FLYWCH1: variants seen among roughly 807,000 people sequenced by gnomAD.
The protein encoded by FLYWCH1 is FLYWCH-type zinc finger-containing protein 1.
In FLYWCH1, 75 loss-of-function variants were observed where a neutral mutation model predicts 66.4. That is an observed-to-expected ratio of 1.13 (90% CI 0.94 to 1.37). The LOEUF (loss-of-function observed/expected upper bound fraction) is 1.37, where lower values mean the gene tolerates loss of function less well. FLYWCH1 is among the 40% of genes most tolerant of loss of function. The pLI is 0.00. For missense variants in FLYWCH1, 1,334 were observed against 1,001.8 expected, an observed-to-expected ratio of 1.33 and a Z score of -4.48; for synonymous variants, 595 against 429.9, an observed-to-expected ratio of 1.38 and a Z score of -4.75.
At position 2,933,576 on chromosome 16, in the gene FLYWCH1, G is replaced by C. The variant is rs368539567; in HGVS notation, c.1243G>C (p.Asp415His). The change falls in exon 5 of 10, where the codon GAC becomes CAC. Residue 415 changes from aspartate (D) to histidine (H), a missense_variant. Asp to His is a moderately conservative substitution (Grantham distance 81). Transcript: ENST00000253928. Reference sequence around the variant, plus strand: ...AGACGAGCACCAGGACATGGACGCAGACCCGGGTGAGCTGCCTTCCTTTGG... The same window carrying C: ...AGACGAGCACCAGGACATGGACGCACACCCGGGTGAGCTGCCTTCCTTTGG... ...APDEHQDMDA[D>H]PGGPEFLKTP... The C allele has an allele frequency of 6.3e-7, 1 of 1,587,574 alleles. No homozygotes were observed. The highest frequency in any genetic ancestry group is 2.2e-5 in the East Asian group (1 of 44,584).
chr16:2,912,842 A>G (rs979017671), intron 1 of FLYWCH1, among the ~76,000 whole-genome samples: 7 of 152,194 alleles, frequency 4.6e-5, no homozygotes, highest in African/African-American at 7.2e-5. Flanking sequence ...TTGTACTGGA[A>G]GCTGAACTCC....
rs566889530 is a variant in FLYWCH1, at chr16:2,919,017, G to C, written c.-74+4728G>C. On this transcript the variant is annotated intron_variant, in intron 2 of 9. Coordinates refer to ENST00000253928, the MANE Select transcript of FLYWCH1 (RefSeq NM_001308068.2). ...GGCTGGAGTGCAGTGGCATGATCTCGGCTCACTGCAACCTCCAAAGCAATT... is the reference window on the plus strand; with the variant it reads ...GGCTGGAGTGCAGTGGCATGATCTCCGCTCACTGCAACCTCCAAAGCAATT... Among the ~76,000 whole-genome samples the C allele has an allele frequency of 4.6e-5, 7 of 151,696 alleles. No individual in the cohort carries two copies. In the East Asian group the frequency reaches 1.4e-3, roughly 29 times the overall value.
intron 9 of FLYWCH1, among the ~76,000 whole-genome samples, chr16:2,942,800 C>T (rs944533635): frequency 7.3e-6 from 1 of 137,346 alleles, no homozygotes; most frequent in Non-Finnish European, 1.5e-5. Flanking sequence ...GATCTTGGCT[C>T]ACTGCAAGAT....
Position 2,930,824 on chromosome 16 carries a change from C to A in FLYWCH1, c.740C>A (p.Pro247His). Reference protein sequence around the residue: ...SKPALEEEEAPRALSLLSLPP... With the variant: ...SKPALEEEEAHRALSLLSLPP... Reference sequence around the variant, plus strand: ...CCGGCCCTGGAGGAGGAGGAGGCACCCCGAGCCCTGTCACTGCTGAGCCTG... The same window carrying A: ...CCGGCCCTGGAGGAGGAGGAGGCACACCGAGCCCTGTCACTGCTGAGCCTG... Residue 247 changes from proline (P) to histidine (H), a missense_variant, in exon 4 of 10, where the codon CCC (proline) becomes CAC (histidine). Coordinates refer to ENST00000253928, the MANE Select transcript of FLYWCH1 (RefSeq NM_001308068.2). The A allele has an allele frequency of 6.2e-7, 1 of 1,602,908 alleles. No individual in the cohort carries two copies. Among genetic ancestry groups the A allele is most frequent in the Non-Finnish European group, 8.5e-7 (1 of 1,178,018 alleles).
At chr16:2,936,411 C>T (rs1460963649) in intron 6 of FLYWCH1, 2 of 456,312 alleles carry the variant, frequency 4.4e-6, no homozygotes, top group East Asian at 7.0e-5. Flanking sequence ...CCAGCCCTCT[C>T]CATCCCTCTT....
At chr16:2,920,990 C>T (rs929790564) in intron 2 of FLYWCH1, among the ~76,000 whole-genome samples, 3 of 151,704 alleles carry the variant, frequency 2.0e-5, no homozygotes, top group South Asian at 4.2e-4. Flanking sequence ...TACAGGCGCC[C>T]GCCACCACGC....
intron 2 of FLYWCH1, among the ~76,000 whole-genome samples, chr16:2,916,460 C>G (rs1161438388): frequency 6.6e-6 from 1 of 151,928 alleles, no homozygotes; most frequent in Non-Finnish European, 1.5e-5. Context: ...ATGGTGAAAC[C>G]CCGTCTCTAC....
chr16:2,918,919 T>G (rs896724530), intron 2 of FLYWCH1, among the ~76,000 whole-genome samples: 2 of 152,178 alleles, frequency 1.3e-5, no homozygotes, highest in African/African-American at 4.8e-5. Flanking sequence ...AAGATAGTCT[T>G]TACTGAATTT....
At chr16:2,922,685 A>G (rs542907648) in intron 2 of FLYWCH1, 79 of 471,870 alleles carry the variant, frequency 1.7e-4, no homozygotes, top group Non-Finnish European at 2.8e-4. Context: ...TGTTGGCCAC[A>G]CCCAAAGCAT....
At chr16:2,948,643 C>T in intron 9 of FLYWCH1, 45 bp from the exon 10 acceptor site, 1 of 1,594,118 alleles carries the variant, frequency 6.3e-7, no homozygotes, top group African/African-American at 1.3e-5. Context: ...TCTATTTCCA[C>T]CATGTTTTGA....
chr16:2,933,038 A>G, intron 4 of FLYWCH1, 92 bp from the exon 5 acceptor site: 1 of 1,134,754 alleles, frequency 8.8e-7, no homozygotes, highest in South Asian at 1.6e-5. Context: ...TAAAGGAGAA[A>G]GGCTCGTGTC....
intron 9 of FLYWCH1, among the ~76,000 whole-genome samples, chr16:2,942,803 T>C (rs773800823): frequency 7.1e-6 from 1 of 141,206 alleles, no homozygotes; most frequent in Non-Finnish European, 1.5e-5. Context: ...CTTGGCTCAC[T>C]GCAAGATCAC....
Position 2,949,119 on chromosome 16 carries a change from A to G in FLYWCH1, c.*392A>G. The G allele has an allele frequency of 4.2e-6, 1 of 235,646 alleles. No homozygotes were observed. Among genetic ancestry groups the G allele is most frequent in the Non-Finnish European group, 8.4e-6 (1 of 119,018 alleles). The allele number at this position is 235,646 out of a possible 1,614,324, so 14.6% of individuals were successfully genotyped here. ...GGCCCCGCTCTGCTCAGCACGGTGC[A>G]AAGTGAATGCTGCTGTCTTGGAGCC... On this transcript the variant is annotated 3_prime_UTR_variant, in exon 10 of 10. Coordinates refer to ENST00000253928, the MANE Select transcript of FLYWCH1 (RefSeq NM_001308068.2).
At chr16:2,913,837 A>C (rs977537907) in intron 1 of FLYWCH1, among the ~76,000 whole-genome samples, 3 of 150,864 alleles carry the variant, frequency 2.0e-5, no homozygotes, top group African/African-American at 7.3e-5. Flanking sequence ...GTGGGTAGAC[A>C]CTGGAGTCAT....
chr16:2,947,214 C>A (rs1184071562), intron 9 of FLYWCH1, among the ~76,000 whole-genome samples: 2 of 152,138 alleles, frequency 1.3e-5, no homozygotes, highest in Non-Finnish European at 2.9e-5. Context: ...TTAAAGAAGC[C>A]AGTCACAAAG....
chr16:2,948,651 T>G, intron 9 of FLYWCH1, 37 bp from the exon 10 acceptor site: 1 of 1,606,216 alleles, frequency 6.2e-7, no homozygotes, highest in Non-Finnish European at 8.5e-7. Flanking sequence ...CACCATGTTT[T>G]GATGTGTGCA....
chr16:2,939,252 C>T (rs556444213), intron 8 of FLYWCH1, among the ~76,000 whole-genome samples: 5 of 152,258 alleles, frequency 3.3e-5, no homozygotes, highest in Non-Finnish European at 7.4e-5. Context: ...TCGAGACCAT[C>T]CTGATCAACA....
intron 2 of FLYWCH1, among the ~76,000 whole-genome samples, chr16:2,917,421 G>GT (rs1486721789): frequency 6.6e-6 from 1 of 151,598 alleles, no homozygotes; most frequent in Non-Finnish European, 1.5e-5. Context: ...TAGAGACGGG[G>GT]TTTTGCCATG....
intron 9 of FLYWCH1, among the ~76,000 whole-genome samples, chr16:2,946,770 C>T (rs2071503564): frequency 1.3e-5 from 2 of 152,136 alleles, no homozygotes; most frequent in South Asian, 4.1e-4. Context: ...CTTCATCAGT[C>T]TCAGGGAAAT....
Sources: allele counts gnomAD v4.1 joint callset (sites outside exome capture counted in the v4.1 genomes callset), GRCh38; gene constraint gnomAD v4.1.1; transcripts MANE v1.5; gene names NCBI Gene and HGNC (gene_info 2026-07-23, HGNC 2026-07-21).